The following SESN1 variants were observed in gnomAD, a reference collection of about 807,000 sequenced individuals.
SESN1 encodes the protein sestrin-1.
SESN1 carries 30 observed loss-of-function variants against 59.3 expected under a neutral mutation model. The ratio of observed to expected loss-of-function variants is 0.51; its 90% confidence interval spans 0.38 to 0.69. SESN1 has a LOEUF of 0.69. Among genes scored for constraint, SESN1 ranks in the 30% least tolerant of loss-of-function variants. The probability of loss-of-function intolerance (pLI) is 0.00; values close to 1 mark genes in which losing one functional copy is unlikely to be tolerated. For synonymous variants in SESN1, 197 were observed against 219.9 expected (o/e 0.90, Z 0.92); for missense variants, 566 against 673.0 (o/e 0.84, Z 1.76).
intron 1 of SESN1, chr6:109,008,934 T>C: frequency 4.0e-6 from 4 of 990,210 alleles, no homozygotes; most frequent in Non-Finnish European, 4.8e-6. Context: ...GGTGGCTAAA[T>C]AATCTGTTTT....
intron 1 of SESN1, among the ~76,000 whole-genome samples, chr6:109,078,344 T>G (rs1379613145): frequency 1.3e-5 from 2 of 152,112 alleles, no homozygotes; most frequent in Admixed American, 1.3e-4. Flanking sequence ...GTCACACTGC[T>G]GTGCTCCAGC....
intron 1 of SESN1, among the ~76,000 whole-genome samples, chr6:109,043,730 C>G (rs891366191): frequency 6.6e-6 from 1 of 152,132 alleles, no homozygotes; most frequent in Non-Finnish European, 1.5e-5. Context: ...ATATTCAATG[C>G]TCATAGATTG....
intron 1 of SESN1, among the ~76,000 whole-genome samples, chr6:109,081,205 C>T (rs1781116902): frequency 6.6e-6 from 1 of 152,212 alleles, no homozygotes; most frequent in African/African-American, 2.4e-5. Context: ...CTTTACCTCC[C>T]AAGGAACTGG....
Position 108,987,633 on chromosome 6 carries a change from G to A in SESN1, c.1570-3C>T. 6.5e-7 allele frequency: 1 copy of A among 1,527,586 alleles called. No homozygotes were observed. The highest frequency in any genetic ancestry group is 9.1e-7 in the Non-Finnish European group (1 of 1,104,192). 94.6% of individuals were successfully genotyped at this position (1,527,586 alleles called of 1,614,324 possible). A position where few individuals can be genotyped will look rare whatever the true frequency, so the allele number is the denominator to read the frequency against. ...ATAAGAAGCAGATTAACATGAACCT[G>A]AATATAAAATACAACATCATATAAG... On this transcript the variant is annotated splice_region_variant and splice_polypyrimidine_tract_variant and intron_variant, in intron 9 of 9. Coordinates refer to ENST00000436639, the MANE Select transcript of SESN1 (RefSeq NM_014454.3).
In SESN1 at chr6:108,987,074, G is replaced by A. The variant is rs1334039833; in HGVS notation, c.*470C>T. ...GTATGTAGGCTCAGATAGTAGCAATGTTCACTTTTATTACTAATAGCTTAA... is the reference window on the plus strand; with the variant it reads ...GTATGTAGGCTCAGATAGTAGCAATATTCACTTTTATTACTAATAGCTTAA... On this transcript the variant is annotated 3_prime_UTR_variant, in exon 10 of 10. Transcript: ENST00000436639. 1 of 153,232 alleles carries A rather than the reference G, an allele frequency of 6.5e-6. No homozygotes were observed. The highest frequency in any genetic ancestry group is 1.5e-5 in the Non-Finnish European group (1 of 68,518). 9.5% of individuals were successfully genotyped at this position (153,232 alleles called of 1,614,324 possible).
chr6:109,043,961 T>C (rs1267819281), intron 1 of SESN1, among the ~76,000 whole-genome samples: 2 of 152,022 alleles, frequency 1.3e-5, no homozygotes, highest in Admixed American at 1.3e-4. Context: ...GATACACATA[T>C]CAATGGAACA....
chr6:109,004,996 C>A (rs1481749941), intron 1 of SESN1, among the ~76,000 whole-genome samples: 1 of 152,116 alleles, frequency 6.6e-6, no homozygotes, highest in Non-Finnish European at 1.5e-5. Flanking sequence ...TTACTACAAC[C>A]GCTAGGAAGG....
At chr6:109,009,213 G>T in intron 1 of SESN1, 1 of 837,296 alleles carries the variant, frequency 1.2e-6, no homozygotes, top group Non-Finnish European at 1.6e-6. Flanking sequence ...CTCCCCGGGA[G>T]CCCGCCCTAT....
chr6:109,000,547 C>T lies in SESN1; in HGVS notation c.673G>A (p.Glu225Lys), dbSNP rs1032022376. The change falls in exon 4 of 10, where the codon GAA becomes AAA. Residue 225 changes from glutamate (E) to lysine (K), a missense_variant. Coordinates refer to ENST00000436639, the MANE Select transcript of SESN1 (RefSeq NM_014454.3). ...CTATGGGCTAACACTTTGTTAAGTT[C>T]TCCTAAATTCTGTAGTTTTTGAGGA... Reference protein sequence around the residue: ...NAPQKLQNLGELNKVLAHRPW... With the variant: ...NAPQKLQNLGKLNKVLAHRPW... 1 of 1,611,236 alleles carries T rather than the reference C, an allele frequency of 6.2e-7. No homozygotes were observed. Among genetic ancestry groups the T allele is most frequent in the Non-Finnish European group, 8.5e-7 (1 of 1,178,486 alleles).
chr6:109,073,941 A>G (rs1205885099), intron 1 of SESN1, among the ~76,000 whole-genome samples: 2 of 152,240 alleles, frequency 1.3e-5, no homozygotes, highest in Non-Finnish European at 2.9e-5. Flanking sequence ...GCCAAGAGAG[A>G]TAACCGCTAT....
chr6:109,031,247 T>C (rs1285448136), intron 1 of SESN1, among the ~76,000 whole-genome samples: 1 of 152,046 alleles, frequency 6.6e-6, no homozygotes, highest in Non-Finnish European at 1.5e-5. Flanking sequence ...ATAAAGTCAG[T>C]AAAAGTGATT....
intron 1 of SESN1, among the ~76,000 whole-genome samples, chr6:109,071,898 A>G (rs181035174): frequency 6.6e-6 from 1 of 152,320 alleles, no homozygotes; most frequent in East Asian, 1.9e-4. Context: ...TCGTTTTAGC[A>G]ATGGTTCTTA....
chr6:109,043,637 T>C (rs1263754041), intron 1 of SESN1, among the ~76,000 whole-genome samples: 1 of 151,982 alleles, frequency 6.6e-6, no homozygotes, highest in Non-Finnish European at 1.5e-5. Flanking sequence ...TAGGCATAAA[T>C]CCAACAAAAT....
At chr6:109,060,738 TA>T (rs1780718799) in intron 1 of SESN1, among the ~76,000 whole-genome samples, 1 of 152,240 alleles carries the variant, frequency 6.6e-6, no homozygotes, top group African/African-American at 2.4e-5. Context: ...ATGAGATCAG[TA>T]CTTAATATGT....
chr6:109,050,504 C>T (rs187284559), intron 1 of SESN1, among the ~76,000 whole-genome samples: 1 of 151,648 alleles, frequency 6.6e-6, no homozygotes, highest in Admixed American at 6.6e-5. Context: ...ATATATAAAA[C>T]TGATTGAAGG....
intron 1 of SESN1, chr6:109,009,616 A>G: frequency 1.0e-6 from 1 of 1,001,922 alleles, no homozygotes; most frequent in Non-Finnish European, 1.2e-6. Context: ...CCGTCATTTC[A>G]CCGCCCTGGC....
At chr6:109,046,451 C>T (rs1332430422) in intron 1 of SESN1, among the ~76,000 whole-genome samples, 2 of 149,584 alleles carry the variant, frequency 1.3e-5, no homozygotes, top group East Asian at 2.0e-4. Flanking sequence ...ACCTCCCAGC[C>T]GCCTGCCTTG....
At chr6:109,029,370 C>T (rs1780146876) in intron 1 of SESN1, among the ~76,000 whole-genome samples, 1 of 152,196 alleles carries the variant, frequency 6.6e-6, no homozygotes, top group Admixed American at 6.5e-5. Flanking sequence ...TTGTACTATT[C>T]AGAGCAATTC....
intron 1 of SESN1, among the ~76,000 whole-genome samples, chr6:109,006,227 C>T (rs1455380523): frequency 6.6e-6 from 1 of 152,108 alleles, no homozygotes; most frequent in Non-Finnish European, 1.5e-5. Context: ...TAGATTAATC[C>T]TTACCTTAAT....
Sources: allele counts gnomAD v4.1 joint callset (sites outside exome capture counted in the v4.1 genomes callset), GRCh38; gene constraint gnomAD v4.1.1; transcripts MANE v1.5; gene names NCBI Gene and HGNC (gene_info 2026-07-23, HGNC 2026-07-21).